Variants in SCCPDH observed in about 807,000 individuals in gnomAD.
SCCPDH encodes saccharopine dehydrogenase-like oxidoreductase.
In SCCPDH, 34 loss-of-function variants were observed where a neutral mutation model predicts 51.5. The ratio of observed to expected loss-of-function variants is 0.66; its 90% CI spans 0.50 to 0.88. The LOEUF is 0.88. SCCPDH is among the 40% of genes least tolerant of loss of function. SCCPDH has a pLI of 0.00. For synonymous variants in SCCPDH, 187 were observed against 191.3 expected (o/e 0.98, Z 0.19); for missense variants, 464 against 527.1 (o/e 0.88, Z 1.17).
chr1:246,739,605 G>A (rs552831869), intron 3 of SCCPDH, among the ~76,000 whole-genome samples: 48 of 152,178 alleles, frequency 3.2e-4, no homozygotes, highest in Non-Finnish European at 5.4e-4. Context: ...TTCATTAATT[G>A]TAACCACTGT....
At chr1:246,747,013 G>A (rs1358284646) in intron 5 of SCCPDH, among the ~76,000 whole-genome samples, 1 of 152,200 alleles carries the variant, frequency 6.6e-6, no homozygotes, top group African/African-American at 2.4e-5. Flanking sequence ...GGTAGCATGT[G>A]TTAGAAACCC....
chr1:246,752,589 C>T (rs1324746594), intron 5 of SCCPDH, among the ~76,000 whole-genome samples: 2 of 152,132 alleles, frequency 1.3e-5, no homozygotes, highest in Non-Finnish European at 1.5e-5. Flanking sequence ...GTATTGCTTT[C>T]TCTTTTCTAC....
At chr1:246,730,719 G>A (rs114613614) in intron 2 of SCCPDH, among the ~76,000 whole-genome samples, 2,323 of 152,274 alleles carry the variant, frequency 0.015, 64 homozygotes, top group African/African-American at 0.052. Context: ...ATCATTCTGC[G>A]CTTCCCTTAG....
At chr1:246,763,468 C>T (rs919434790) in intron 9 of SCCPDH, among the ~76,000 whole-genome samples, 18 of 152,112 alleles carry the variant, frequency 1.2e-4, no homozygotes, top group Admixed American at 8.5e-4. Context: ...ATGGGTTCTC[C>T]TTTCTGGAAT....
At chr1:246,752,300 A>C (rs766003753) in intron 5 of SCCPDH, among the ~76,000 whole-genome samples, 1 of 152,216 alleles carries the variant, frequency 6.6e-6, no homozygotes, top group Non-Finnish European at 1.5e-5. Flanking sequence ...ACAGAAGTGC[A>C]GATGAGGTCT....
chr1:246,764,910 C>T lies in SCCPDH; in HGVS notation c.1102+553C>T, dbSNP rs567186778. On this transcript the variant is annotated intron_variant, in intron 10 of 11. Transcript: ENST00000366510. ...TGGTATAATTACTGTCAGAGACAGA[C>T]AGGTCCACTTGTGAACTGTGGTATA... Among the ~76,000 whole-genome samples, 13 of 151,982 alleles carry T rather than the reference C, an allele frequency of 8.6e-5. No homozygotes were observed. In the South Asian group the frequency reaches 2.5e-3, roughly 29 times the overall value.
intron 5 of SCCPDH, chr1:246,755,494 A>G (rs1472479633): frequency 6.6e-6 from 1 of 152,124 alleles, no homozygotes; most frequent in African/African-American, 2.4e-5. Context: ...ACTGGTATTT[A>G]TTTACTTTTC....
chr1:246,731,646 T>A (rs550496749), intron 2 of SCCPDH, among the ~76,000 whole-genome samples: 2 of 152,376 alleles, frequency 1.3e-5, no homozygotes, highest in South Asian at 4.1e-4. Context: ...TGTGGTATGA[T>A]ATGATACTAA....
chr1:246,746,215 C>T (rs529839948), intron 5 of SCCPDH, among the ~76,000 whole-genome samples: 33 of 152,064 alleles, frequency 2.2e-4, no homozygotes, highest in Middle Eastern at 3.4e-3. Flanking sequence ...AATTGCTGTC[C>T]CTTTTAAGGG....
chr1:246,733,791 CAG>C (rs1442194450), intron 2 of SCCPDH, among the ~76,000 whole-genome samples: 2 of 152,032 alleles, frequency 1.3e-5, no homozygotes, highest in African/African-American at 2.4e-5. Flanking sequence ...GTGAGAAAAT[CAG>C]GGGGAAGAGA....
intron 2 of SCCPDH, among the ~76,000 whole-genome samples, chr1:246,734,077 C>T (rs1252348887): frequency 6.6e-6 from 1 of 152,168 alleles, no homozygotes; most frequent in African/African-American, 2.4e-5. Flanking sequence ...ATGCAAGTTA[C>T]TGGAGTCTAC....
rs369607962 is a variant in SCCPDH, at chr1:246,766,107, T to C, written c.1152T>C (p.Thr384=). Residue 384 remains threonine (T), a synonymous_variant, in exon 11 of 12, where the codon ACT becomes ACC. Transcript: ENST00000366510. ...TAGCTATGGTTCAGGCAGCCATGAC[T>C]CTTCTAAGTGATGCTTCTCATCTGC... is the stretch of plus-strand genomic sequence containing the variant. The part of the protein sequence containing the change: ...TPIAMVQAAM[T]LLSDASHLPK... The C allele has an allele frequency of 6.8e-6, 11 of 1,613,434 alleles. No individual in the cohort carries two copies. Among genetic ancestry groups the C allele is most frequent in the Non-Finnish European group, 7.6e-6 (9 of 1,179,644 alleles).
intron 5 of SCCPDH, among the ~76,000 whole-genome samples, chr1:246,745,923 A>G (rs886613525): frequency 1.3e-5 from 2 of 151,986 alleles, no homozygotes; most frequent in African/African-American, 2.4e-5. Flanking sequence ...CCTGGCTAAC[A>G]CGGTGAAACC....
At chr1:246,736,682 C>T (rs1400227001) in intron 3 of SCCPDH, among the ~76,000 whole-genome samples, 1 of 151,612 alleles carries the variant, frequency 6.6e-6, no homozygotes, top group Non-Finnish European at 1.5e-5. Context: ...GCCTGCGCCA[C>T]AGAGCGAGAG....
In SCCPDH at chr1:246,759,014, T is replaced by C. The variant is rs772765490; in HGVS notation, c.696-20T>C. On this transcript the variant is annotated intron_variant, in intron 6 of 11. Transcript: ENST00000366510. Reference sequence around the variant, plus strand: ...TTGTAATTGCAGGAAATGCAAAATATTCATAGGTCTGTCTTGCAGGTGGCC... The same window carrying C: ...TTGTAATTGCAGGAAATGCAAAATACTCATAGGTCTGTCTTGCAGGTGGCC... 45 of 1,310,668 alleles carry C rather than the reference T, an allele frequency of 3.4e-5. No homozygotes were observed. The highest frequency in any genetic ancestry group is 4.8e-5 in the Non-Finnish European group (43 of 904,244). 81.2% of individuals were successfully genotyped at this position (1,310,668 alleles called of 1,614,324 possible).
At chr1:246,746,243 G>C (rs1021316190) in intron 5 of SCCPDH, among the ~76,000 whole-genome samples, 3 of 152,140 alleles carry the variant, frequency 2.0e-5, no homozygotes, top group African/African-American at 7.2e-5. Flanking sequence ...CTCTAAGGGG[G>C]TCCACGTGAG....
chr1:246,762,440 C>T (rs1475620685), intron 9 of SCCPDH, among the ~76,000 whole-genome samples: 1 of 152,186 alleles, frequency 6.6e-6, no homozygotes, highest in Non-Finnish European at 1.5e-5. Flanking sequence ...CTTCCCACTG[C>T]TGTCCAAGAG....
At chr1:246,728,990 G>C (rs1479086111) in intron 2 of SCCPDH, among the ~76,000 whole-genome samples, 3 of 152,206 alleles carry the variant, frequency 2.0e-5, no homozygotes, top group African/African-American at 7.2e-5. Context: ...CTGGGCCTCT[G>C]GGGGTGACAT....
intron 7 of SCCPDH, 47 bp from the exon 8 acceptor site, chr1:246,759,910 C>A: frequency 6.3e-7 from 1 of 1,575,878 alleles, no homozygotes; most frequent in South Asian, 1.2e-5. Flanking sequence ...TTACTTGGTC[C>A]AAAATGTAGG....
Sources: gnomAD v4.1 joint callset for allele counts (sites outside exome capture counted in the v4.1 genomes callset) on GRCh38, gnomAD v4.1.1 for gene constraint, MANE v1.5 for transcripts, NCBI Gene and HGNC (gene_info 2026-07-23, HGNC 2026-07-21) for gene names.